Variants in TOX observed in about 807,000 individuals in gnomAD.
TOX encodes thymocyte selection-associated high mobility group box protein TOX.
In TOX, 11 loss-of-function variants were observed where a neutral mutation model predicts 53.7. The observed-to-expected ratio is 0.20, with a 90% CI of 0.13 to 0.34. The LOEUF (loss-of-function observed/expected upper bound fraction) is 0.34. Among genes scored for constraint, TOX ranks in the 10% least tolerant of loss-of-function variants. The pLI is 1.00. For missense variants in TOX, 570 were observed against 664.6 expected (o/e 0.86, Z 1.56); for synonymous variants, 225 against 245.3 (o/e 0.92, Z 0.77).
chr8:59,105,862 GTT>G (rs1193535511), intron 1 of TOX, among the ~76,000 whole-genome samples: 1 of 151,940 alleles, frequency 6.6e-6, no homozygotes, highest in Non-Finnish European at 1.5e-5. Flanking sequence ...TTTTTTTCCT[GTT>G]TTTACATTAT....
chr8:58,970,568 A>T (rs1222425875), intron 1 of TOX, among the ~76,000 whole-genome samples: 1 of 152,156 alleles, frequency 6.6e-6, no homozygotes, highest in Non-Finnish European at 1.5e-5. Context: ...GACCTCATGG[A>T]TGATTGAGGT....
At chr8:58,953,755 G>A (rs1463365945) in intron 2 of TOX, among the ~76,000 whole-genome samples, 1 of 152,110 alleles carries the variant, frequency 6.6e-6, no homozygotes, top group Non-Finnish European at 1.5e-5. Context: ...TGTTACTTCT[G>A]AAATTTCTGC....
At chr8:58,924,169 G>T (rs545952769) in intron 3 of TOX, among the ~76,000 whole-genome samples, 2 of 152,310 alleles carry the variant, frequency 1.3e-5, no homozygotes, top group East Asian at 3.9e-4. Context: ...GATATTCAAA[G>T]ATTTTCATGC....
At chr8:59,056,142 G>A (rs1033675045) in intron 1 of TOX, among the ~76,000 whole-genome samples, 13 of 152,012 alleles carry the variant, frequency 8.6e-5, no homozygotes, top group East Asian at 5.8e-4. Flanking sequence ...GAATCATACC[G>A]AAGCCAGGTG....
At chr8:59,068,929 G>C (rs1804143546) in intron 1 of TOX, among the ~76,000 whole-genome samples, 1 of 152,198 alleles carries the variant, frequency 6.6e-6, no homozygotes, top group Non-Finnish European at 1.5e-5. Flanking sequence ...AGAAGAGTTT[G>C]CAAGAGTCAG....
At chr8:58,817,957 T>C (rs1026505750) in intron 6 of TOX, among the ~76,000 whole-genome samples, 1 of 152,160 alleles carries the variant, frequency 6.6e-6, no homozygotes, top group Non-Finnish European at 1.5e-5. Flanking sequence ...AAATAAACAA[T>C]GAATTTAATT....
At chr8:58,834,622 A>G (rs1810518118) in intron 5 of TOX, among the ~76,000 whole-genome samples, 1 of 152,206 alleles carries the variant, frequency 6.6e-6, no homozygotes, top group Non-Finnish European at 1.5e-5. Flanking sequence ...TGGATGCCCA[A>G]ATGTGCATTT....
At chr8:58,925,411 G>A (rs1471826819) in intron 3 of TOX, among the ~76,000 whole-genome samples, 1 of 152,216 alleles carries the variant, frequency 6.6e-6, no homozygotes, top group African/African-American at 2.4e-5. Flanking sequence ...CCACAGGGAA[G>A]GACGGGGTCC....
chr8:58,969,488 C>T (rs868124094), intron 1 of TOX, among the ~76,000 whole-genome samples: 2 of 152,254 alleles, frequency 1.3e-5, no homozygotes, highest in African/African-American at 4.8e-5. Flanking sequence ...TAGTTATATT[C>T]ATTATTGCCT....
chr8:58,882,575 A>G (rs1811401671), intron 3 of TOX, among the ~76,000 whole-genome samples: 1 of 152,216 alleles, frequency 6.6e-6, no homozygotes, highest in Non-Finnish European at 1.5e-5. Context: ...CCTTGAAGTC[A>G]GATGGATTTC....
intron 1 of TOX, among the ~76,000 whole-genome samples, chr8:58,993,103 A>C (rs534409909): frequency 7.2e-4 from 109 of 152,218 alleles, no homozygotes; most frequent in South Asian, 1.5e-3. Flanking sequence ...ACAGGAACTA[A>C]GCTGACAGAT....
At chr8:59,032,192 C>T (rs762639730) in intron 1 of TOX, among the ~76,000 whole-genome samples, 3 of 152,112 alleles carry the variant, frequency 2.0e-5, no homozygotes, top group Non-Finnish European at 4.4e-5. Context: ...TCAAGATGAC[C>T]TTAAGGATGT....
chr8:58,930,597 G>C (rs540953729), intron 3 of TOX, among the ~76,000 whole-genome samples: 2 of 152,230 alleles, frequency 1.3e-5, no homozygotes, highest in African/African-American at 2.4e-5. Context: ...CAGAACATTC[G>C]CTGGACCTGA....
At chr8:58,900,172 G>T (rs558897753) in intron 3 of TOX, among the ~76,000 whole-genome samples, 2 of 152,086 alleles carry the variant, frequency 1.3e-5, no homozygotes, top group South Asian at 2.1e-4. Context: ...GAACAAAGAA[G>T]TATCTCCCAT....
At chr8:59,046,944 A>G (rs1803695785) in intron 1 of TOX, among the ~76,000 whole-genome samples, 1 of 151,760 alleles carries the variant, frequency 6.6e-6, no homozygotes, top group South Asian at 2.1e-4. Flanking sequence ...AAACTGAATC[A>G]TCATCCACCA....
At chr8:58,817,589 A>G (rs556159663) in intron 6 of TOX, among the ~76,000 whole-genome samples, 161 of 152,354 alleles carry the variant, frequency 1.1e-3, no homozygotes, top group Non-Finnish European at 2.0e-3. Context: ...TATGCCAGAA[A>G]GATTATGTGT....
chr8:58,889,211 G>GAAAA (rs1811520928), intron 3 of TOX, among the ~76,000 whole-genome samples: 1 of 20,878 alleles, frequency 4.8e-5, no homozygotes, highest in African/African-American at 2.0e-4. Flanking sequence ...GTTTACAATA[G>GAAAA]CAAAAAAAAA....
chr8:58,817,028 G>T (rs1358980158), intron 6 of TOX, among the ~76,000 whole-genome samples: 1 of 152,156 alleles, frequency 6.6e-6, no homozygotes, highest in Non-Finnish European at 1.5e-5. Context: ...ACGGGGACAG[G>T]CTGGGGTGGG....
At chr8:59,105,243 A>C (rs532314965) in intron 1 of TOX, among the ~76,000 whole-genome samples, 69 of 152,298 alleles carry the variant, frequency 4.5e-4, no homozygotes, top group Non-Finnish European at 8.2e-4. Context: ...ACACAGCCTT[A>C]AGTGAGGCAA....
Sources: allele counts gnomAD v4.1 joint callset (sites outside exome capture counted in the v4.1 genomes callset), GRCh38; gene constraint gnomAD v4.1.1; transcripts MANE v1.5; gene names NCBI Gene and HGNC (gene_info 2026-07-23, HGNC 2026-07-21).